Variants in NPAS3 observed in about 807,000 individuals in gnomAD.
The protein encoded by NPAS3 is neuronal PAS domain-containing protein 3.
NPAS3 carries 14 observed loss-of-function variants against 73.1 expected under a neutral mutation model. The ratio of observed to expected loss-of-function variants is 0.19; its 90% CI spans 0.13 to 0.30. The LOEUF (loss-of-function observed/expected upper bound fraction) is 0.30, where lower values mean the gene tolerates loss of function less well. Ranked by LOEUF, NPAS3 falls within the 10% of genes least tolerant of loss-of-function variation. The pLI is 1.00. For synonymous variants in NPAS3, 620 were observed against 541.5 expected, an observed-to-expected ratio of 1.14 and a Z score of -2.01; for missense variants, 1,096 against 1,250.0, an observed-to-expected ratio of 0.88 and a Z score of 1.86.
intron 10 of NPAS3, among the ~76,000 whole-genome samples, chr14:33,796,484 A>C (rs2063516665): frequency 6.6e-6 from 1 of 152,208 alleles, no homozygotes; most frequent in Admixed American, 6.5e-5. Context: ...GTAGTTACTG[A>C]AACAGTGACT....
At chr14:33,319,644 GA>G (rs149664312) in intron 3 of NPAS3, among the ~76,000 whole-genome samples, 13 of 151,080 alleles carry the variant, frequency 8.6e-5, no homozygotes, top group East Asian at 1.9e-4. Context: ...TATGGGGTTG[GA>G]AAAAAAAATC....
At chr14:33,754,775 G>A (rs2062064522) in intron 7 of NPAS3, among the ~76,000 whole-genome samples, 1 of 152,108 alleles carries the variant, frequency 6.6e-6, no homozygotes, top group African/African-American at 2.4e-5. Flanking sequence ...TAGAATCGTA[G>A]AGCTGAAAAG....
At chr14:33,567,550 A>G (rs1451592836) in intron 5 of NPAS3, among the ~76,000 whole-genome samples, 1 of 152,216 alleles carries the variant, frequency 6.6e-6, no homozygotes, top group Non-Finnish European at 1.5e-5. Context: ...TCTGCAAGGA[A>G]TCATATTTCA....
At chr14:33,563,368 G>A (rs1434320513) in intron 5 of NPAS3, among the ~76,000 whole-genome samples, 1 of 151,958 alleles carries the variant, frequency 6.6e-6, no homozygotes, top group Admixed American at 6.6e-5. Context: ...CTCTCCCTTG[G>A]GTGGGACAGC....
intron 5 of NPAS3, among the ~76,000 whole-genome samples, chr14:33,670,364 A>AACAG (rs2059576572): frequency 6.6e-6 from 1 of 152,160 alleles, no homozygotes; most frequent in South Asian, 2.1e-4. Context: ...GTATTTCTGT[A>AACAG]ACAGACCGAA....
chr14:33,008,199 A>G (rs1322378832), intron 1 of NPAS3, among the ~76,000 whole-genome samples: 1 of 152,210 alleles, frequency 6.6e-6, no homozygotes, highest in East Asian at 1.9e-4. Context: ...ATTGATGGAG[A>G]ACTGGTTAAA....
chr14:33,331,652 G>C (rs918030728), intron 3 of NPAS3, among the ~76,000 whole-genome samples: 11 of 151,902 alleles, frequency 7.2e-5, no homozygotes, highest in African/African-American at 2.7e-4. Flanking sequence ...TTTCAGCTGG[G>C]ACACCTAGGT....
At position 33,349,152 on chromosome 14, in the gene NPAS3, A is replaced by G. The variant is rs984645509; in HGVS notation, c.386-18034A>G. Among the ~76,000 whole-genome samples, 6 of 152,360 alleles carry G rather than the reference A, an allele frequency of 3.9e-5. No homozygotes were observed. In the East Asian group the frequency reaches 9.6e-4, roughly 24 times the overall value. On this transcript the variant is annotated intron_variant, in intron 3 of 11. Transcript: ENST00000356141. ...TGGCTTTTCTTTATTTAGGCTAACC[A>G]TGTCTATAATGTCATAATTAGGACG...
intron 6 of NPAS3, among the ~76,000 whole-genome samples, chr14:33,697,624 G>A (rs2060419432): frequency 6.6e-6 from 1 of 152,126 alleles, no homozygotes; most frequent in African/African-American, 2.4e-5. Context: ...CTTCTTAAAT[G>A]GTGATGGGAA....
intron 6 of NPAS3, among the ~76,000 whole-genome samples, chr14:33,707,581 C>T (rs567773237): frequency 6.6e-6 from 1 of 152,250 alleles, no homozygotes; most frequent in East Asian, 1.9e-4. Flanking sequence ...GAAATAAAAA[C>T]CTGTATGGTT....
intron 4 of NPAS3, among the ~76,000 whole-genome samples, chr14:33,456,637 C>A (rs751541148): frequency 7.2e-5 from 11 of 152,052 alleles, no homozygotes; most frequent in African/African-American, 2.7e-4. Context: ...AGCTTTATAA[C>A]GACTCATATA....
At chr14:33,620,844 C>A (rs1278974025) in intron 5 of NPAS3, among the ~76,000 whole-genome samples, 1 of 152,058 alleles carries the variant, frequency 6.6e-6, no homozygotes, top group East Asian at 1.9e-4. Flanking sequence ...AAATATCTAA[C>A]AAAGGATGGT....
chr14:33,438,356 A>G (rs900191991), intron 4 of NPAS3, among the ~76,000 whole-genome samples: 1 of 152,230 alleles, frequency 6.6e-6, no homozygotes, highest in Non-Finnish European at 1.5e-5. Flanking sequence ...TCCATGTGGC[A>G]GGGAAATGTA....
At chr14:33,631,928 G>A (rs939296651) in intron 5 of NPAS3, among the ~76,000 whole-genome samples, 1 of 152,176 alleles carries the variant, frequency 6.6e-6, no homozygotes, top group African/African-American at 2.4e-5. Context: ...ATTTGCATGT[G>A]TTGCATGAAA....
intron 4 of NPAS3, among the ~76,000 whole-genome samples, chr14:33,434,194 A>G (rs1292946156): frequency 6.6e-6 from 1 of 151,768 alleles, no homozygotes; most frequent in Non-Finnish European, 1.5e-5. Context: ...CTCCGTCTCT[A>G]AATAAATAAA....
chr14:33,465,502 C>T (rs1272541377), intron 4 of NPAS3, among the ~76,000 whole-genome samples: 1 of 152,136 alleles, frequency 6.6e-6, no homozygotes, highest in Non-Finnish European at 1.5e-5. Flanking sequence ...GGTGTTATTA[C>T]TAGCTTTGGT....
chr14:33,547,285 C>G (rs557462519), intron 4 of NPAS3, among the ~76,000 whole-genome samples: 28 of 152,162 alleles, frequency 1.8e-4, no homozygotes, highest in African/African-American at 6.7e-4. Context: ...CCAAGCAAGA[C>G]AATAAAACAA....
At chr14:33,767,614 T>TTA (rs986754343) in intron 7 of NPAS3, among the ~76,000 whole-genome samples, 2 of 151,666 alleles carry the variant, frequency 1.3e-5, no homozygotes, top group Admixed American at 1.3e-4. Context: ...TTTTTTTTTT[T>TTA]TCGTACCTGA....
chr14:33,136,900 T>C (rs570414234), intron 2 of NPAS3, among the ~76,000 whole-genome samples: 1 of 152,330 alleles, frequency 6.6e-6, no homozygotes, highest in East Asian at 1.9e-4. Flanking sequence ...TTTAACTTTG[T>C]TGTAATATGC....
Sources: gnomAD v4.1 joint callset for allele counts (sites outside exome capture counted in the v4.1 genomes callset) on GRCh38, gnomAD v4.1.1 for gene constraint, MANE v1.5 for transcripts, NCBI Gene and HGNC (gene_info 2026-07-23, HGNC 2026-07-21) for gene names.